Variants in SRP68 observed in about 807,000 individuals in gnomAD.
SRP68 encodes the protein signal recognition particle subunit SRP68.
SRP68 carries 15 observed loss-of-function variants against 82.2 expected under a neutral mutation model. The ratio of observed to expected loss-of-function variants is 0.18; its 90% CI spans 0.12 to 0.28. The LOEUF is 0.28. Among genes scored for constraint, SRP68 ranks in the 10% least tolerant of loss-of-function variants. SRP68 has a pLI of 1.00. For synonymous variants in SRP68, 261 were observed against 292.6 expected (o/e 0.89, Z 1.10); for missense variants, 595 against 780.5 (o/e 0.76, Z 2.83).
chr17:76,046,510 C>A (rs1373578343), intron 10 of SRP68, among the ~76,000 whole-genome samples: 1 of 150,430 alleles, frequency 6.6e-6, no homozygotes, highest in East Asian at 1.9e-4. Flanking sequence ...GGGATCCCAG[C>A]AACTCACGAG....
chr17:76,067,552 C>G (rs1019272058), intron 2 of SRP68, among the ~76,000 whole-genome samples: 25 of 152,128 alleles, frequency 1.6e-4, no homozygotes, highest in Admixed American at 6.6e-5. Context: ...TGGCTCACTG[C>G]AGCCAGGCTC....
chr17:76,060,751 A>ATCAT, intron 6 of SRP68: 2 of 336,666 alleles, frequency 5.9e-6, no homozygotes, highest in Non-Finnish European at 1.1e-5. Context: ...GATGCTAATG[A>ATCAT]GAGAGGCTAT....
intron 8 of SRP68, among the ~76,000 whole-genome samples, chr17:76,056,670 C>T (rs993674995): frequency 2.0e-5 from 3 of 152,128 alleles, no homozygotes; most frequent in Non-Finnish European, 4.4e-5. Flanking sequence ...AAAACACCAC[C>T]CCACCAACCC....
intron 9 of SRP68, chr17:76,049,427 CG>C (rs1567928750): frequency 2.0e-5 from 3 of 151,750 alleles, no homozygotes; most frequent in African/African-American, 7.3e-5. Flanking sequence ...CCCAAGTGTG[CG>C]GAGGGAGGGG....
Position 76,067,007 on chromosome 17 carries a change from C to T in SRP68, c.365+210G>A, listed in dbSNP as rs183113020. 2.0e-3 allele frequency among the ~76,000 whole-genome samples: 311 copies of T among 152,200 alleles called. 2 individuals are homozygous for T. Among genetic ancestry groups the T allele is most frequent in the African/African-American group, 6.3e-3 (260 of 41,532 alleles). ...CCTCCCAACGTGCTGGGATTATAGG[C>T]GTGAACCACTGCACCTGGCCCCAAC... On this transcript the variant is annotated intron_variant, in intron 3 of 15. Transcript: ENST00000307877.
At chr17:76,062,512 ATACATTATATAT>A (rs1245431633) in intron 4 of SRP68, among the ~76,000 whole-genome samples, 34 of 111,380 alleles carry the variant, frequency 3.1e-4, no homozygotes, top group African/African-American at 1.1e-3. Flanking sequence ...TATATATAAT[ATACATTATATAT>A]TATATAATAT....
intron 8 of SRP68, among the ~76,000 whole-genome samples, chr17:76,057,146 C>T (rs2066718876): frequency 6.6e-6 from 1 of 152,180 alleles, no homozygotes; most frequent in Non-Finnish European, 1.5e-5. Context: ...TTAAGCCAGC[C>T]TCTAATGCCT....
chr17:76,054,759 G>T (rs1207594854), intron 8 of SRP68, among the ~76,000 whole-genome samples: 1 of 151,872 alleles, frequency 6.6e-6, no homozygotes, highest in Non-Finnish European at 1.5e-5. Flanking sequence ...GGACACGGAG[G>T]TTGCAGTGAG....
At chr17:76,065,287 A>C (rs1467502659) in intron 3 of SRP68, among the ~76,000 whole-genome samples, 1 of 151,950 alleles carries the variant, frequency 6.6e-6, no homozygotes, top group Non-Finnish European at 1.5e-5. Context: ...CCATCTTTAC[A>C]AAAGAAAAAA....
chr17:76,057,379 G>A, intron 8 of SRP68, 24 bp downstream of exon 8: 1 of 1,613,952 alleles, frequency 6.2e-7, no homozygotes, highest in African/African-American at 1.3e-5. Flanking sequence ...ACAGAAGACA[G>A]CACAGTAAGT....
chr17:76,060,137 A>AAG (rs1363467788), intron 7 of SRP68, among the ~76,000 whole-genome samples, 171 bp downstream of exon 7: 3 of 150,068 alleles, frequency 2.0e-5, no homozygotes, highest in East Asian at 3.9e-4. Flanking sequence ...AAAAAAAAAA[A>AAG]AAAAAAAAAA....
intron 2 of SRP68, among the ~76,000 whole-genome samples, chr17:76,069,012 A>AAT (rs148525020): frequency 0.2 from 29,899 of 147,976 alleles, 3,913 homozygotes; most frequent in South Asian, 0.44. Flanking sequence ...TAAATAAATA[A>AAT]ATATATATAT....
intron 4 of SRP68, among the ~76,000 whole-genome samples, chr17:76,063,446 G>A (rs2066784298): frequency 6.6e-6 from 1 of 152,162 alleles, no homozygotes; most frequent in African/African-American, 2.4e-5. Flanking sequence ...AGCACTTTGG[G>A]AGGTCAAGGC....
chr17:76,046,030 AG>A lies in SRP68; in HGVS notation c.1299+7del. 6.2e-7 allele frequency: 1 copy of A among 1,613,678 alleles called. No individual in the cohort carries two copies. The highest frequency in any genetic ancestry group is 8.5e-7 in the Non-Finnish European group (1 of 1,179,826). On this transcript the variant is annotated splice_region_variant and intron_variant, in intron 11 of 15. Transcript: ENST00000307877. The stretch of plus-strand genomic sequence containing the variant: ...CAGGCCCTTGCCTTCCCGGTCCTCA[AG>A]GGTCACCTGTAAGATGATGTCATAG...
intron 5 of SRP68, 87 bp downstream of exon 5, chr17:76,061,405 A>G: frequency 2.4e-6 from 3 of 1,251,450 alleles, no homozygotes; most frequent in Non-Finnish European, 2.3e-6. Flanking sequence ...CCTCACTTTC[A>G]CAGAAACAAT....
At position 76,071,087 on chromosome 17, in the gene SRP68, T is replaced by C. The variant is rs1289868231; in HGVS notation, c.185-643A>G. ...GATGGATTCTAAATGCTGACTATAA[T>C]TGGGGTGCTTCACACCAATTAACAC... On this transcript the variant is annotated intron_variant, in intron 1 of 15. Coordinates refer to ENST00000307877, the MANE Select transcript of SRP68 (RefSeq NM_014230.4). The surrounding 1 kb of genome is among the most constrained non-coding windows in gnomAD (Gnocchi z 4.7). Among the ~76,000 whole-genome samples the C allele has an allele frequency of 4.6e-5, 7 of 152,272 alleles. No individual in the cohort carries two copies. The East Asian group carries it at 7.7e-4, about 17-fold the overall frequency.
intron 6 of SRP68, 169 bp from the exon 7 acceptor site, chr17:76,060,559 G>T: frequency 3.5e-6 from 2 of 575,932 alleles, no homozygotes; most frequent in South Asian, 4.6e-5. Flanking sequence ...GAAATTGACT[G>T]GGGCAATGAA....
intron 1 of SRP68, 67 bp from the exon 2 acceptor site, chr17:76,070,511 A>G: frequency 3.8e-6 from 5 of 1,327,134 alleles, no homozygotes; most frequent in Non-Finnish European, 5.4e-6. Flanking sequence ...CTGTACCATC[A>G]GTCTATATCT....
intron 12 of SRP68, 119 bp from the exon 13 acceptor site, chr17:76,044,077 C>CA: frequency 2.6e-6 from 3 of 1,133,108 alleles, no homozygotes; most frequent in Non-Finnish European, 3.6e-6. Flanking sequence ...CGTGGGATCA[C>CA]CGCATGGGAG....
Sources: gnomAD v4.1 joint callset for allele counts (sites outside exome capture counted in the v4.1 genomes callset) on GRCh38, gnomAD v4.1.1 for gene constraint, Gnocchi (gnomAD v3.1) non-coding constraint, MANE v1.5 for transcripts, NCBI Gene and HGNC (gene_info 2026-07-23, HGNC 2026-07-21) for gene names.